The following CHRNA6 variants were observed in gnomAD, a reference collection of about 807,000 sequenced individuals.
CHRNA6 encodes the protein cholinergic receptor nicotinic alpha 6 subunit, also known as neuronal acetylcholine receptor subunit alpha-6.
Under a neutral mutation model 40.9 loss-of-function variants are expected in CHRNA6, and 31 were observed. The observed-to-expected ratio is 0.76, with a 90% confidence interval of 0.57 to 1.02. The LOEUF is 1.02. CHRNA6 is among the 50% of genes least tolerant of loss of function. The probability of loss-of-function intolerance (pLI) is 0.00; values close to 1 mark genes in which losing one functional copy is unlikely to be tolerated. For synonymous variants in CHRNA6, 222 were observed against 221.3 expected, an observed-to-expected ratio of 1.00 and a Z score of -0.03; for missense variants, 546 against 596.6, an observed-to-expected ratio of 0.92 and a Z score of 0.88.
intron 2 of CHRNA6, 28 bp downstream of exon 2, chr8:42,765,037 G>T: frequency 6.2e-7 from 1 of 1,604,734 alleles, no homozygotes. Flanking sequence ...AACAATGCTG[G>T]GGAAAGCTCT....
intron 1 of CHRNA6, among the ~76,000 whole-genome samples, chr8:42,766,723 C>A (rs1408018387): frequency 1.3e-5 from 2 of 152,110 alleles, no homozygotes; most frequent in African/African-American, 2.4e-5. Flanking sequence ...GAACACCACA[C>A]ACTAGAGCCT....
At chr8:42,755,773 C>G in intron 5 of CHRNA6, 73 bp downstream of exon 5, 1 of 1,497,798 alleles carries the variant, frequency 6.7e-7, no homozygotes, top group South Asian at 1.3e-5. Flanking sequence ...CACTGAAGGT[C>G]TGACTGTGCA....
At chr8:42,765,422 T>C (rs1816963672) in intron 1 of CHRNA6, among the ~76,000 whole-genome samples, 1 of 152,244 alleles carries the variant, frequency 6.6e-6, no homozygotes, top group Admixed American at 6.5e-5. Flanking sequence ...AAAACAGCAA[T>C]GTCTGCATTT....
intron 2 of CHRNA6, chr8:42,759,494 C>T (rs562692863): frequency 1.5e-5 from 3 of 200,218 alleles, no homozygotes; most frequent in South Asian, 9.2e-5. Context: ...ATTCCAACCC[C>T]GCACAGTGTT....
At chr8:42,760,411 CTT>C (rs571116686) in intron 2 of CHRNA6, among the ~76,000 whole-genome samples, 24 of 152,062 alleles carry the variant, frequency 1.6e-4, no homozygotes, top group African/African-American at 4.8e-4. Context: ...CATTCGTACT[CTT>C]ATACGTATAC....
chr8:42,766,081 G>A (rs1466506425), intron 1 of CHRNA6, among the ~76,000 whole-genome samples: 1 of 152,128 alleles, frequency 6.6e-6, no homozygotes, highest in Admixed American at 6.5e-5. Flanking sequence ...ATACCCAAAG[G>A]AATATAAATC....
At chr8:42,759,222 TAGA>T (rs746443498) in intron 2 of CHRNA6, 109 bp from the exon 3 acceptor site, 32 of 813,664 alleles carry the variant, frequency 3.9e-5, no homozygotes, top group African/African-American at 5.1e-5. Flanking sequence ...TTCATGCCAA[TAGA>T]AGAAGACTTC....
At chr8:42,768,307 T>A (rs1451194594) in intron 1 of CHRNA6, 45 bp downstream of exon 1, 1 of 1,448,904 alleles carries the variant, frequency 6.9e-7, no homozygotes, top group Admixed American at 1.7e-5. Flanking sequence ...AGTAAACACA[T>A]GTAGCTAAAA....
At position 42,768,443 on chromosome 8, in the gene CHRNA6, C is replaced by T. The variant is rs551545999; in HGVS notation, c.-13G>A. ...TGCTGGTCAGCATGGTTAAAACACA[C>T]TTGGATTCCTTTTTCCTAGGCAAAG... On this transcript the variant is annotated 5_prime_UTR_variant, in exon 1 of 6. In the 5' UTR this introduces an upstream ATG that the reference lacks. Transcript: ENST00000276410. The T allele has an allele frequency of 3.1e-6, 5 of 1,607,858 alleles. No homozygotes were observed. In the South Asian group the frequency reaches 3.3e-5, roughly 11 times the overall value.
intron 3 of CHRNA6, 58 bp from the exon 4 acceptor site, chr8:42,757,095 G>A: frequency 7.7e-7 from 1 of 1,304,980 alleles, no homozygotes; most frequent in Non-Finnish European, 1.1e-6. Flanking sequence ...GCCAGGCATG[G>A]TGGCTCACGC....
chr8:42,760,598 GCA>G (rs1341318687), intron 2 of CHRNA6, among the ~76,000 whole-genome samples: 3 of 149,342 alleles, frequency 2.0e-5, no homozygotes, highest in Non-Finnish European at 3.0e-5. Context: ...TGGTGCACAT[GCA>G]CACACACTCA....
chr8:42,768,319 G>A, intron 1 of CHRNA6, 33 bp downstream of exon 1: 1 of 1,533,982 alleles, frequency 6.5e-7, no homozygotes, highest in African/African-American at 1.4e-5. Context: ...TAGCTAAAAA[G>A]GGAATAGAAG....
chr8:42,755,500 C>G (rs1291762219), intron 5 of CHRNA6, among the ~76,000 whole-genome samples: 2 of 152,236 alleles, frequency 1.3e-5, no homozygotes, highest in Non-Finnish European at 2.9e-5. Flanking sequence ...TGGTCTCAAA[C>G]TCCTGACTTC....
At position 42,752,934 on chromosome 8, in the gene CHRNA6, T is replaced by C; in HGVS notation, c.*245A>G. On this transcript the variant is annotated 3_prime_UTR_variant, in exon 6 of 6. Transcript: ENST00000276410. ...CACAGACACGAGAAACCTGACCTGA[T>C]ACTGTAGCCGTGGGTGCTGCCCAAT... The C allele has an allele frequency of 2.8e-6, 1 of 355,048 alleles. No individual in the cohort carries two copies. Among genetic ancestry groups the C allele is most frequent in the Non-Finnish European group, 5.1e-6 (1 of 197,954 alleles). 22.0% of individuals were successfully genotyped at this position (355,048 alleles called of 1,614,324 possible).
In CHRNA6 at chr8:42,755,826, T is replaced by C; in HGVS notation, c.1353+20A>G. 5.0e-6 allele frequency: 8 copies of C among 1,600,796 alleles called. No homozygotes were observed. The highest frequency in any genetic ancestry group is 1.3e-5 in the African/African-American group (1 of 74,900). On this transcript the variant is annotated intron_variant, in intron 5 of 5. Transcript: ENST00000276410. ...CTGCAAAGGGTGCAAGCTGGCTGGG[T>C]GGAGGGAACACACATTTACCTCCTT...
At chr8:42,757,381 A>C (rs971824783) in intron 3 of CHRNA6, among the ~76,000 whole-genome samples, 9 of 150,268 alleles carry the variant, frequency 6.0e-5, no homozygotes, top group African/African-American at 2.2e-4. Flanking sequence ...TTTCTTAATA[A>C]CTTTCTTCCA....
chr8:42,765,086 G>A lies in CHRNA6; in HGVS notation c.198C>T (p.Ala66=). The change falls in exon 2 of 6, where the codon GCC becomes GCT. Residue 66 remains alanine (A), a synonymous_variant. Transcript: ENST00000276410. ...SDPVTVHFEV[A]ITQLANVDEV... ...TCACCACGTTGGCCAGCTGGGTGAT[G>A]GCCACTTCAAAGTGTACCGTGACAG... 2 of 1,614,148 alleles carry A rather than the reference G, an allele frequency of 1.2e-6. No homozygotes were observed. Among genetic ancestry groups the A allele is most frequent in the East Asian group, 4.5e-5 (2 of 44,888 alleles).
intron 2 of CHRNA6, 73 bp from the exon 3 acceptor site, chr8:42,759,186 A>C (rs1366835858): frequency 1.8e-6 from 2 of 1,107,838 alleles, no homozygotes; most frequent in East Asian, 2.4e-5. Context: ...CAAAAATTAC[A>C]ACTAAAAAGA....
At chr8:42,761,808 T>G (rs1211960967) in intron 2 of CHRNA6, among the ~76,000 whole-genome samples, 1 of 152,172 alleles carries the variant, frequency 6.6e-6, no homozygotes, top group African/African-American at 2.4e-5. Flanking sequence ...AAAAATCAAT[T>G]AATTGACACA....
Sources: allele counts gnomAD v4.1 joint callset (sites outside exome capture counted in the v4.1 genomes callset), GRCh38; gene constraint gnomAD v4.1.1; transcripts MANE v1.5; gene names NCBI Gene and HGNC (gene_info 2026-07-23, HGNC 2026-07-21).